PAH: variants seen among roughly 807,000 people sequenced by gnomAD.
The protein encoded by PAH is phenylalanine-4-hydroxylase.
Under a neutral mutation model 62.0 loss-of-function variants are expected in PAH, and 64 were observed. The observed-to-expected ratio is 1.03, with a 90% confidence interval of 0.84 to 1.27. PAH has a LOEUF of 1.27. PAH is among the 50% of genes most tolerant of loss of function. The pLI, the probability that PAH is intolerant of heterozygous loss-of-function variation, is 0.00. For missense variants in PAH, 579 were observed against 542.8 expected, an observed-to-expected ratio of 1.07 and a Z score of -0.66; for synonymous variants, 195 against 196.2, an observed-to-expected ratio of 0.99 and a Z score of 0.05.
intron 1 of PAH, chr12:102,958,114 C>G (rs1042227359): frequency 3.2e-6 from 2 of 616,306 alleles, no homozygotes; most frequent in Non-Finnish European, 4.8e-6. Context: ...TCCGTCAGGG[C>G]TCCCGCTTCA....
At chr12:102,909,874 G>A (rs1592987289) in intron 2 of PAH, among the ~76,000 whole-genome samples, 1 of 152,132 alleles carries the variant, frequency 6.6e-6, no homozygotes, top group Admixed American at 6.5e-5. Flanking sequence ...CATGAGAATC[G>A]CCTGAACCTG....
chr12:102,843,826 A>C, intron 10 of PAH, 47 bp from the exon 11 acceptor site: 3 of 1,599,830 alleles, frequency 1.9e-6, no homozygotes, highest in Non-Finnish European at 2.6e-6. Context: ...AATCAGGATC[A>C]GTATTCCCTG....
At chr12:102,940,022 A>G (rs1301860651) in intron 1 of PAH, among the ~76,000 whole-genome samples, 1 of 152,222 alleles carries the variant, frequency 6.6e-6, no homozygotes, top group Non-Finnish European at 1.5e-5. Context: ...AATGGCCCTT[A>G]TGTTTAAGTG....
rs199475673 is a variant in PAH, at chr12:102,855,153, A to C, written c.689T>G (p.Val230Gly). 6.2e-7 allele frequency: 1 copy of C among 1,614,042 alleles called. No homozygotes were observed. Among genetic ancestry groups the C allele is most frequent in the African/African-American group, 1.3e-5 (1 of 75,018 alleles). Residue 230 changes from valine to glycine, a missense_variant, in exon 6 of 13, where the codon GTT becomes GGT. By Grantham distance (109) the Val-to-Gly change is moderately radical. Coordinates refer to ENST00000553106, the MANE Select transcript of PAH (RefSeq NM_000277.3). Reference protein sequence around the residue: ...HEDNIPQLEDVSQFLQTCTGF... With the variant: ...HEDNIPQLEDGSQFLQTCTGF... The stretch of plus-strand genomic sequence containing the variant: ...GGACTTACTCTGCAGGAACTGAGAA[A>C]CGTCTTCCAGCTGGGGAATGTTATC...
chr12:102,844,040 C>T (rs1874717493), intron 10 of PAH, among the ~76,000 whole-genome samples: 1 of 152,112 alleles, frequency 6.6e-6, no homozygotes, highest in African/African-American at 2.4e-5. Flanking sequence ...ACGTGGGAGC[C>T]AACCACACTT....
chr12:102,881,822 G>A (rs1876823800), intron 3 of PAH, among the ~76,000 whole-genome samples: 1 of 152,092 alleles, frequency 6.6e-6, no homozygotes. Flanking sequence ...ATTCCATTGT[G>A]TGTGTGTCAG....
At chr12:102,886,743 C>T (rs1202239727) in intron 3 of PAH, among the ~76,000 whole-genome samples, 1 of 152,092 alleles carries the variant, frequency 6.6e-6, no homozygotes, top group Non-Finnish European at 1.5e-5. Context: ...TGAGGCATGC[C>T]ATCTTCTCTA....
chr12:102,926,113 G>A (rs968986424), intron 1 of PAH, among the ~76,000 whole-genome samples: 8 of 151,898 alleles, frequency 5.3e-5, no homozygotes, highest in Admixed American at 3.9e-4. Flanking sequence ...CATCCTATTA[G>A]GAAACAGGAA....
At chr12:102,857,343 C>A (rs149422746) in intron 5 of PAH, among the ~76,000 whole-genome samples, 26 of 152,300 alleles carry the variant, frequency 1.7e-4, no homozygotes, top group Admixed American at 1.2e-3. Flanking sequence ...AAATCTACAT[C>A]TGATCGGTGT....
intron 7 of PAH, among the ~76,000 whole-genome samples, chr12:102,852,571 T>G (rs530357927): frequency 1.2e-4 from 19 of 152,314 alleles, no homozygotes; most frequent in Non-Finnish European, 2.2e-4. Flanking sequence ...GATCTCTCAT[T>G]CTCACTGCCA....
Position 102,866,612 on chromosome 12 carries a change from C to T in PAH, c.493G>A (p.Ala165Thr), listed in dbSNP as rs199475626. ...CAGACTTACTGGCGGTAGTTGTAGG[C>T]AATGTCAGCAAACTGCTTCCGTCTT... ...RARRKQFADI[A>T]YNYRHGQPIP... is the part of the protein sequence containing the mutation. Residue 165 changes from alanine (A) to threonine (T), a missense_variant, in exon 5 of 13, where the codon GCC (alanine) becomes ACC (threonine). By Grantham distance (58) the Ala-to-Thr change is moderately conservative. Coordinates refer to ENST00000553106, the MANE Select transcript of PAH (RefSeq NM_000277.3). The T allele has an allele frequency of 3.7e-6, 6 of 1,613,488 alleles. No homozygotes were observed. The highest frequency in any genetic ancestry group is 1.1e-5 in the South Asian group (1 of 91,074).
rs1875351010 is a variant in PAH, at chr12:102,855,125, T to A, written c.706+11A>T. The A allele has an allele frequency of 1.2e-6, 2 of 1,610,676 alleles. No homozygotes were observed. Among genetic ancestry groups the A allele is most frequent in the African/African-American group, 2.7e-5 (2 of 74,954 alleles). On this transcript the variant is annotated intron_variant, in intron 6 of 12. Transcript: ENST00000553106. ...CTTTCTGCAGGGCCATTGACCCTGA[T>A]GTGGACTTACTCTGCAGGAACTGAG...
intron 1 of PAH, among the ~76,000 whole-genome samples, chr12:102,940,155 A>T (rs1879242142): frequency 6.6e-6 from 1 of 152,230 alleles, no homozygotes; most frequent in Admixed American, 6.5e-5. Flanking sequence ...TGGCCCTCTG[A>T]AAACATCTAG....
chr12:102,956,022 T>C (rs2136782470), intron 1 of PAH, among the ~76,000 whole-genome samples: 1 of 152,226 alleles, frequency 6.6e-6, no homozygotes, highest in East Asian at 1.9e-4. Context: ...TCACTATTGT[T>C]CCAGAAACAC....
At chr12:102,958,234 C>G in exon 1 of PAH, 1 of 1,460,820 alleles carries the variant, frequency 6.8e-7, no homozygotes, top group Admixed American at 2.5e-5. Context: ...ACTCCTTGGC[C>G]GCCGCTGCGC....
chr12:102,870,177 A>G (rs1424984215), intron 4 of PAH, among the ~76,000 whole-genome samples: 7 of 152,176 alleles, frequency 4.6e-5, no homozygotes, highest in Non-Finnish European at 4.4e-5. Context: ...GGGTAACTAC[A>G]TATATGGAAA....
At chr12:102,928,878 T>G (rs1878762587) in intron 1 of PAH, among the ~76,000 whole-genome samples, 1 of 152,146 alleles carries the variant, frequency 6.6e-6, no homozygotes, top group South Asian at 2.1e-4. Context: ...AGAGCCACTT[T>G]TCTAGGTTCT....
rs529080828 is a variant in PAH, at chr12:102,888,633, A to G, written c.352+6102T>C. Among the ~76,000 whole-genome samples the G allele has an allele frequency of 2.0e-5, 3 of 151,280 alleles. No homozygotes were observed. In the East Asian group the frequency reaches 5.8e-4, roughly 29 times the overall value. ...ACTGACTGCAGGGAGCAGACAGTCT[A>G]CCAAGGATATGAAGGGACTCTGCTT... is the stretch of plus-strand genomic sequence containing the variant. On this transcript the variant is annotated intron_variant, in intron 3 of 12. Coordinates refer to ENST00000553106, the MANE Select transcript of PAH (RefSeq NM_000277.3).
At chr12:102,850,399 A>G (rs939063879) in intron 8 of PAH, among the ~76,000 whole-genome samples, 2 of 152,136 alleles carry the variant, frequency 1.3e-5, no homozygotes, top group Non-Finnish European at 2.9e-5. Flanking sequence ...TTTGTTTCAA[A>G]TATTTAGTGG....
Sources: allele counts gnomAD v4.1 joint callset (sites outside exome capture counted in the v4.1 genomes callset), GRCh38; gene constraint gnomAD v4.1.1; transcripts MANE v1.5; gene names NCBI Gene and HGNC (gene_info 2026-07-23, HGNC 2026-07-21).